The following TMEM232 variants were observed in gnomAD, a reference collection of about 807,000 sequenced individuals.
The protein encoded by TMEM232 is transmembrane protein 232.
Under a neutral mutation model 78.8 loss-of-function variants are expected in TMEM232, and 80 were observed. That is an observed-to-expected ratio of 1.01 (90% CI 0.85 to 1.22). TMEM232 has a LOEUF of 1.22. Ranked by LOEUF, TMEM232 falls within the 50% of genes most tolerant of loss-of-function variation. The pLI, the probability that TMEM232 is intolerant of heterozygous loss-of-function variation, is 0.00. For missense variants in TMEM232, 881 were observed against 742.2 expected (o/e 1.19, Z -2.17); for synonymous variants, 297 against 254.3 (o/e 1.17, Z -1.60).
At chr5:110,424,750 A>G in intron 13 of TMEM232, 73 bp downstream of exon 13, 1 of 1,205,454 alleles carries the variant, frequency 8.3e-7, no homozygotes, top group African/African-American at 1.5e-5. Context: ...CAGTCTCAGA[A>G]CTACATTTTA....
At chr5:110,635,249 C>T (rs992481418) in intron 5 of TMEM232, among the ~76,000 whole-genome samples, 4 of 151,910 alleles carry the variant, frequency 2.6e-5, no homozygotes, top group Non-Finnish European at 4.4e-5. Context: ...TGAATTCTAC[C>T]AAATAGATAA....
chr5:110,505,107 A>G (rs557829326), intron 12 of TMEM232, among the ~76,000 whole-genome samples: 10 of 152,206 alleles, frequency 6.6e-5, no homozygotes, highest in Non-Finnish European at 1.0e-4. Context: ...CTGGAAGAGA[A>G]GACATCTTGA....
intron 1 of TMEM232, among the ~76,000 whole-genome samples, chr5:110,721,311 G>A (rs1039354693): frequency 2.0e-5 from 3 of 152,096 alleles, no homozygotes; most frequent in East Asian, 3.9e-4. Flanking sequence ...CTAATAGTCT[G>A]GCTGCTACAG....
intron 11 of TMEM232, among the ~76,000 whole-genome samples, chr5:110,552,474 TATC>T (rs1174143749): frequency 6.6e-6 from 1 of 152,172 alleles, no homozygotes; most frequent in East Asian, 1.9e-4. Context: ...TGGTTAAAAA[TATC>T]ATGCTTAAAA....
intron 11 of TMEM232, among the ~76,000 whole-genome samples, chr5:110,548,579 A>G (rs889282951): frequency 1.3e-4 from 19 of 151,884 alleles, no homozygotes; most frequent in African/African-American, 4.1e-4. Context: ...ATCTTTTCCC[A>G]AAAGGCAAAT....
At chr5:110,427,657 A>G (rs1757390109) in intron 12 of TMEM232, among the ~76,000 whole-genome samples, 2 of 151,702 alleles carry the variant, frequency 1.3e-5, no homozygotes, top group African/African-American at 2.4e-5. Flanking sequence ...AGTCTTGGAT[A>G]CTCCAGAAGC....
At chr5:110,564,156 C>T (rs545209104) in intron 11 of TMEM232, among the ~76,000 whole-genome samples, 6 of 151,810 alleles carry the variant, frequency 4.0e-5, no homozygotes, top group South Asian at 2.1e-4. Context: ...TATCTAAAAA[C>T]GGGACATTAG....
chr5:110,600,458 C>CA (rs1288563596), intron 10 of TMEM232, among the ~76,000 whole-genome samples: 1 of 151,980 alleles, frequency 6.6e-6, no homozygotes, highest in Non-Finnish European at 1.5e-5. Flanking sequence ...CAAATACATG[C>CA]AATAAAAAAT....
chr5:110,417,265 G>A (rs1014560395), downstream of TMEM232, among the ~76,000 whole-genome samples: 1 of 152,144 alleles, frequency 6.6e-6, no homozygotes, highest in Non-Finnish European at 1.5e-5. Context: ...GTGACTAAGA[G>A]CCATGCAAGG....
chr5:110,727,303 G>A (rs1798251350), upstream of TMEM232, among the ~76,000 whole-genome samples: 1 of 152,132 alleles, frequency 6.6e-6, no homozygotes, highest in Non-Finnish European at 1.5e-5. Flanking sequence ...GAATGGGGAA[G>A]GGCATTTATG....
intron 1 of TMEM232, chr5:110,725,490 G>A (rs1317480842): frequency 6.6e-6 from 1 of 152,146 alleles, no homozygotes; most frequent in Admixed American, 6.6e-5. Flanking sequence ...AACAATGAAT[G>A]ATTCTGATAA....
intron 1 of TMEM232, among the ~76,000 whole-genome samples, chr5:110,683,118 T>G (rs1792956460): frequency 6.6e-6 from 1 of 152,176 alleles, no homozygotes; most frequent in South Asian, 2.1e-4. Flanking sequence ...TATTACTTAT[T>G]ATGTGTTTTT....
At chr5:110,427,429 G>T (rs1300229525) in intron 12 of TMEM232, among the ~76,000 whole-genome samples, 1 of 151,906 alleles carries the variant, frequency 6.6e-6, no homozygotes, top group Non-Finnish European at 1.5e-5. Context: ...GTAAGAAAAA[G>T]GAATGGAGGA....
rs188621266 is a variant in TMEM232 at position 110,433,580 on chromosome 5, C to A, written c.1704-8664G>T. Among the ~76,000 whole-genome samples, 13 of 151,856 alleles carry A rather than the reference C, an allele frequency of 8.6e-5. No individual in the cohort carries two copies. The East Asian group carries it at 2.5e-3, about 29-fold the overall frequency. On this transcript the variant is annotated intron_variant, in intron 12 of 13. Transcript: ENST00000455884. The stretch of plus-strand genomic sequence containing the variant: ...ACTAGAAACATAGGAACAAACTAAA[C>A]CCAATTCTGTTTAGGATTTATGTTT...
chr5:110,467,940 T>TA (rs1444550892), intron 12 of TMEM232, among the ~76,000 whole-genome samples: 4 of 147,190 alleles, frequency 2.7e-5, no homozygotes, highest in Non-Finnish European at 6.0e-5. Context: ...ATCACCCTGA[T>TA]ATGTGGATTT....
At chr5:110,521,285 G>T (rs1453553500) in intron 12 of TMEM232, among the ~76,000 whole-genome samples, 1 of 152,094 alleles carries the variant, frequency 6.6e-6, no homozygotes, top group Non-Finnish European at 1.5e-5. Context: ...ATCTATTCAA[G>T]TTTTTAACCT....
downstream of TMEM232, among the ~76,000 whole-genome samples, chr5:110,418,940 T>C (rs1164765906): frequency 6.6e-6 from 1 of 152,096 alleles, no homozygotes; most frequent in Non-Finnish European, 1.5e-5. Context: ...TACAAACCAA[T>C]AAAAAGATTA....
At chr5:110,673,838 T>G (rs1791680686) in intron 1 of TMEM232, among the ~76,000 whole-genome samples, 1 of 152,202 alleles carries the variant, frequency 6.6e-6, no homozygotes, top group Non-Finnish European at 1.5e-5. Context: ...GGGGTTTTAT[T>G]ATTAACCCTT....
chr5:110,444,671 A>C (rs568801689), intron 12 of TMEM232, among the ~76,000 whole-genome samples: 54 of 152,256 alleles, frequency 3.5e-4, no homozygotes, highest in African/African-American at 1.2e-3. Flanking sequence ...TTTTGTGGTC[A>C]TTTGTTACAT....
Sources: allele counts gnomAD v4.1 joint callset (sites outside exome capture counted in the v4.1 genomes callset), GRCh38; gene constraint gnomAD v4.1.1; transcripts MANE v1.5; gene names NCBI Gene and HGNC (gene_info 2026-07-23, HGNC 2026-07-21).